GRM8: variants seen among roughly 807,000 people sequenced by gnomAD.
The protein encoded by GRM8 is glutamate metabotropic receptor 8, also known as metabotropic glutamate receptor 8.
In GRM8, 47 loss-of-function variants were observed where a neutral mutation model predicts 87.2. The observed-to-expected ratio is 0.54, with a 90% CI of 0.43 to 0.69. GRM8 has a LOEUF of 0.69. GRM8 is among the 30% of genes least tolerant of loss of function. The pLI is 0.00. For synonymous variants in GRM8, 396 were observed against 404.5 expected, an observed-to-expected ratio of 0.98 and a Z score of 0.25; for missense variants, 1,019 against 1,139.2, an observed-to-expected ratio of 0.89 and a Z score of 1.52.
At chr7:126,807,906 G>A (rs1325960588) in intron 6 of GRM8, among the ~76,000 whole-genome samples, 4 of 152,128 alleles carry the variant, frequency 2.6e-5, no homozygotes, top group Non-Finnish European at 1.5e-5. Context: ...TTAAATGTAT[G>A]TTGGTTGGAA....
chr7:126,559,150 CTTTTTT>C (rs551929723), intron 8 of GRM8, among the ~76,000 whole-genome samples: 16 of 122,006 alleles, frequency 1.3e-4, no homozygotes, highest in African/African-American at 4.9e-4. Context: ...TAATCTTTTG[CTTTTTT>C]TTTTTTTTTT....
At position 126,788,420 on chromosome 7, in the gene GRM8, A is replaced by AAACAAAAAAAAAAAAAC. The variant is rs1554492202; in HGVS notation, c.1157-18356_1157-18355insGTTTTTTTTTTTTTGTT. The stretch of plus-strand genomic sequence containing the variant: ...GCAAGACTCCATCTCAAAAAAAAAA[A>AAACAAAAAAAAAAAAAC]AAACCCTTTCAGATATCTTTAACAT... On this transcript the variant is annotated intron_variant, in intron 6 of 10. Transcript: ENST00000339582. Among the ~76,000 whole-genome samples the AAACAAAAAAAAAAAAAC allele has an allele frequency of 6.2e-5, 5 of 81,138 alleles. 1 individual carries two copies. Among genetic ancestry groups the AAACAAAAAAAAAAAAAC allele is most frequent in the African/African-American group, 1.8e-4 (4 of 21,784 alleles). The allele number at this position is 81,138 out of a possible 152,430, so 53.2% of individuals were successfully genotyped here.
intron 7 of GRM8, among the ~76,000 whole-genome samples, chr7:126,743,295 T>A (rs755164849): frequency 2.0e-5 from 3 of 152,148 alleles, no homozygotes; most frequent in African/African-American, 7.2e-5. Context: ...TGTGCTATAA[T>A]GCAGATCCAG....
chr7:127,069,500 A>G (rs940312548), intron 3 of GRM8, among the ~76,000 whole-genome samples: 1 of 151,992 alleles, frequency 6.6e-6, no homozygotes, highest in African/African-American at 2.4e-5. Context: ...AAAAGAAATC[A>G]CCCCTTTGTG....
chr7:126,760,094 A>C (rs552908992), intron 7 of GRM8, among the ~76,000 whole-genome samples: 1 of 152,282 alleles, frequency 6.6e-6, no homozygotes, highest in African/African-American at 2.4e-5. Flanking sequence ...TTTTCATTCA[A>C]GGCTCATTAC....
At chr7:126,903,561 TACATACACAC>T (rs1802315737) in intron 5 of GRM8, among the ~76,000 whole-genome samples, 1 of 60,492 alleles carries the variant, frequency 1.7e-5, no homozygotes, top group Non-Finnish European at 3.0e-5. Flanking sequence ...CTTTCCTAAA[TACATACACAC>T]ACACACACAC....
intron 2 of GRM8, chr7:127,229,359 T>C (rs953446687): frequency 7.2e-5 from 11 of 152,152 alleles, no homozygotes; most frequent in Admixed American, 6.5e-4. Flanking sequence ...ACGAAAGCTG[T>C]GGGAAAAACA....
At chr7:126,714,632 T>C (rs927210788) in intron 7 of GRM8, among the ~76,000 whole-genome samples, 2 of 152,088 alleles carry the variant, frequency 1.3e-5, no homozygotes, top group African/African-American at 2.4e-5. Flanking sequence ...CCAGATGAAA[T>C]GCAATATAGG....
chr7:126,785,452 A>C (rs2151652144), intron 6 of GRM8, among the ~76,000 whole-genome samples: 1 of 152,282 alleles, frequency 6.6e-6, no homozygotes, highest in Middle Eastern at 3.4e-3. Context: ...ACATGGTATT[A>C]GAACCCACGA....
At chr7:127,115,584 A>G (rs1826653261) in intron 2 of GRM8, among the ~76,000 whole-genome samples, 1 of 152,226 alleles carries the variant, frequency 6.6e-6, no homozygotes, top group Non-Finnish European at 1.5e-5. Flanking sequence ...AAAATAAAAG[A>G]GAAGCAATCT....
intron 7 of GRM8, among the ~76,000 whole-genome samples, chr7:126,723,382 C>T (rs1231465409): frequency 6.6e-6 from 1 of 152,038 alleles, no homozygotes; most frequent in Non-Finnish European, 1.5e-5. Flanking sequence ...CAGATGTAGA[C>T]CTGCGGCCAA....
intron 7 of GRM8, among the ~76,000 whole-genome samples, chr7:126,730,119 T>C (rs1813428978): frequency 6.6e-6 from 1 of 152,140 alleles, no homozygotes; most frequent in African/African-American, 2.4e-5. Flanking sequence ...AATGTTTGAG[T>C]GTCTTCTATT....
Position 126,983,862 on chromosome 7 carries a change from G to C in GRM8, c.728-79179C>G, listed in dbSNP as rs528421930. On this transcript the variant is annotated intron_variant, in intron 3 of 10. Transcript: ENST00000339582. ...GCTAAGGTGCTTGCTAAAGGCAAAG[G>C]GAATACAGAATGGGTAGGAGAAGAG... Among the ~76,000 whole-genome samples the C allele has an allele frequency of 6.0e-4, 91 of 152,308 alleles. 1 individual carries two copies. The highest frequency in any genetic ancestry group is 1.1e-3 in the Non-Finnish European group (74 of 68,026).
intron 9 of GRM8, among the ~76,000 whole-genome samples, chr7:126,522,536 A>T (rs1168042157): frequency 6.6e-6 from 1 of 152,190 alleles, no homozygotes. Context: ...CCCACACTGG[A>T]AAATACTTTT....
chr7:126,444,866 C>T (rs10228052), intron 10 of GRM8, among the ~76,000 whole-genome samples: 72,186 of 151,750 alleles, frequency 0.48, 17,245 homozygotes, highest in Middle Eastern at 0.62. Flanking sequence ...TAATGCCTGA[C>T]CGGGTGTGGT....
intron 6 of GRM8, among the ~76,000 whole-genome samples, chr7:126,876,309 A>G (rs540389363): frequency 6.6e-6 from 1 of 152,334 alleles, no homozygotes; most frequent in Admixed American, 6.5e-5. Flanking sequence ...ATGAATAAAT[A>G]AACATTTCCT....
At chr7:126,474,498 G>A (rs568920337) in intron 9 of GRM8, among the ~76,000 whole-genome samples, 2 of 152,162 alleles carry the variant, frequency 1.3e-5, no homozygotes, top group South Asian at 4.1e-4. Context: ...TGAATTCTTG[G>A]GCTCAAATAA....
intron 2 of GRM8, among the ~76,000 whole-genome samples, chr7:127,238,934 T>C (rs989526821): frequency 2.6e-4 from 39 of 152,228 alleles, no homozygotes; most frequent in African/African-American, 8.7e-4. Context: ...AATTCCACAA[T>C]TAGTGATCCT....
chr7:126,639,882 T>G (rs1005271838), intron 7 of GRM8, among the ~76,000 whole-genome samples: 1 of 152,186 alleles, frequency 6.6e-6, no homozygotes, highest in Non-Finnish European at 1.5e-5. Flanking sequence ...GAAGAATCAT[T>G]TACCACATCT....
Sources: gnomAD v4.1 joint callset for allele counts (sites outside exome capture counted in the v4.1 genomes callset) on GRCh38, gnomAD v4.1.1 for gene constraint, MANE v1.5 for transcripts, NCBI Gene and HGNC (gene_info 2026-07-23, HGNC 2026-07-21) for gene names.